OSBPL10: variants seen among roughly 807,000 people sequenced by gnomAD.
OSBPL10 encodes the protein oxysterol binding protein like 10, also known as oxysterol-binding protein-related protein 10.
In OSBPL10, 49 loss-of-function variants were observed where a neutral mutation model predicts 81.7. The ratio of observed to expected loss-of-function variants is 0.60; its 90% CI spans 0.48 to 0.76. The LOEUF (loss-of-function observed/expected upper bound fraction) is 0.76. OSBPL10 is among the 30% of genes least tolerant of loss of function. The pLI, the probability that OSBPL10 is intolerant of heterozygous loss-of-function variation, is 0.00. For missense variants in OSBPL10, 923 were observed against 987.8 expected (o/e 0.93, Z 0.88); for synonymous variants, 419 against 383.6 (o/e 1.09, Z -1.08).
chr3:31,912,112 T>A (rs903081642), intron 1 of OSBPL10, among the ~76,000 whole-genome samples: 9 of 150,706 alleles, frequency 6.0e-5, no homozygotes, highest in Admixed American at 3.3e-4. Flanking sequence ...AAAAAAAAAA[T>A]TGGCTGGGCG....
At chr3:31,797,846 A>G (rs1335810232) in intron 4 of OSBPL10, 1 of 454,746 alleles carries the variant, frequency 2.2e-6, no homozygotes, top group South Asian at 1.6e-5. Context: ...CTTCACCTAT[A>G]AAAATGGGGA....
chr3:31,992,047 G>A (rs140898605), intron 2 of OSBPL10, among the ~76,000 whole-genome samples: 1,930 of 151,698 alleles, frequency 0.013, 15 homozygotes, highest in Middle Eastern at 0.02. Context: ...TGGGGAGGCT[G>A]AGGCAGGAGA....
At chr3:31,731,909 G>C (rs908179868) in intron 6 of OSBPL10, among the ~76,000 whole-genome samples, 1 of 151,442 alleles carries the variant, frequency 6.6e-6, no homozygotes, top group Non-Finnish European at 1.5e-5. Context: ...CAAACCTTGG[G>C]GGTCAGAGGG....
chr3:31,732,265 T>G (rs891267213), intron 6 of OSBPL10, among the ~76,000 whole-genome samples: 3 of 152,060 alleles, frequency 2.0e-5, no homozygotes, highest in Non-Finnish European at 4.4e-5. Flanking sequence ...GATGAAATAT[T>G]TGTAGGCAGG....
chr3:31,844,110 A>G (rs951424857), intron 3 of OSBPL10, among the ~76,000 whole-genome samples: 14 of 152,362 alleles, frequency 9.2e-5, no homozygotes, highest in Middle Eastern at 3.4e-3. Context: ...ATGCTGAACT[A>G]GGATTCCTGT....
At chr3:31,981,385 G>A, upstream of OSBPL10, 2 of 861,764 alleles carry the variant, frequency 2.3e-6, no homozygotes, top group Non-Finnish European at 3.1e-6. The surrounding 1 kb of genome is among the most constrained non-coding windows in gnomAD (Gnocchi z 4.5). Context: ...AGCTGCGGCC[G>A]CCCCTCCTCC....
chr3:31,828,040 T>TAA (rs1700142362), intron 4 of OSBPL10, among the ~76,000 whole-genome samples: 1 of 152,168 alleles, frequency 6.6e-6, no homozygotes, highest in African/African-American at 2.4e-5. Context: ...CTATCATTTA[T>TAA]AACAGTAAGT....
intron 2 of OSBPL10, among the ~76,000 whole-genome samples, chr3:32,025,142 G>A (rs1171997790): frequency 6.6e-6 from 1 of 152,102 alleles, no homozygotes; most frequent in Non-Finnish European, 1.5e-5. Context: ...ATTTGTAGAT[G>A]CCTTTATCAG....
chr3:31,989,762 A>G, intron 2 of OSBPL10: 1 of 1,614,188 alleles, frequency 6.2e-7, no homozygotes, highest in African/African-American at 1.3e-5. Context: ...ATAAGAGAAA[A>G]ATCTTTCCAA....
At chr3:31,974,849 C>T (rs1306554720) in intron 1 of OSBPL10, among the ~76,000 whole-genome samples, 1 of 152,126 alleles carries the variant, frequency 6.6e-6, no homozygotes, top group East Asian at 1.9e-4. Flanking sequence ...GTGTACTTTT[C>T]TGAATGTAGA....
rs1426820187 is a variant in OSBPL10 at position 31,660,912 on chromosome 3, T to A, written c.*1160A>T. On this transcript the variant is annotated 3_prime_UTR_variant, in exon 12 of 12. Transcript: ENST00000396556. Reference sequence around the variant, plus strand: ...GCAGACAAAAGGCACAAAATTAGTATTACTACAGAGAAGCATTCATGCTAT... The same window carrying A: ...GCAGACAAAAGGCACAAAATTAGTAATACTACAGAGAAGCATTCATGCTAT... 6.6e-6 allele frequency: 1 copy of A among 152,646 alleles called. No homozygotes were observed. The highest frequency in any genetic ancestry group is 2.4e-5 in the African/African-American group (1 of 41,458). 9.5% of individuals were successfully genotyped at this position (152,646 alleles called of 1,614,324 possible). A position where few individuals can be genotyped will look rare whatever the true frequency, so the allele number is the denominator to read the frequency against.
chr3:31,844,038 T>C (rs1043363353), intron 3 of OSBPL10, among the ~76,000 whole-genome samples: 3 of 152,198 alleles, frequency 2.0e-5, no homozygotes, highest in Non-Finnish European at 2.9e-5. Flanking sequence ...AAGATTGTTT[T>C]TCCCCATGAG....
At chr3:31,866,732 C>T (rs1483126726) in intron 3 of OSBPL10, among the ~76,000 whole-genome samples, 3 of 152,164 alleles carry the variant, frequency 2.0e-5, no homozygotes, top group Non-Finnish European at 4.4e-5. Flanking sequence ...CTCACCTACT[C>T]TTGGGGCTGT....
At position 31,662,061 on chromosome 3, in the gene OSBPL10, C is replaced by T. The variant is rs1700083310; in HGVS notation, c.*11G>A. On this transcript the variant is annotated 3_prime_UTR_variant, in exon 12 of 12. Coordinates refer to ENST00000396556, the MANE Select transcript of OSBPL10 (RefSeq NM_017784.5). ...CAGGGCTATACTGGAAAGCTCTGCA[C>T]CTCCACCCCATCAGTGTGCTTTCCA... 6.2e-7 allele frequency: 1 copy of T among 1,613,592 alleles called. No homozygotes were observed. The highest frequency in any genetic ancestry group is 1.3e-5 in the African/African-American group (1 of 74,924).
rs771458446 is a variant in OSBPL10, at chr3:31,990,320, C to CA, written n.298+56170dup. The CA allele has an allele frequency of 3.1e-6, 5 of 1,613,976 alleles. No homozygotes were observed. In the Admixed American group the frequency reaches 8.3e-5, roughly 27 times the overall value. ...GTCTTCAGTAATGCTACAACCATTG[C>CA]AAATCATTGGAGAATCCATAATGAA... On this transcript the variant is annotated intron_variant and non_coding_transcript_variant, in intron 2 of 3. Coordinates refer to the OSBPL10 transcript ENST00000479173.
chr3:32,059,484 C>T (rs189252281), intron 1 of OSBPL10, among the ~76,000 whole-genome samples: 52 of 143,404 alleles, frequency 3.6e-4, no homozygotes, highest in Admixed American at 1.9e-3. Context: ...CCAGCTACTC[C>T]GGAGGCTGAG....
At chr3:31,795,686 G>A (rs146512937) in intron 4 of OSBPL10, 244 of 208,808 alleles carry the variant, frequency 1.2e-3, no homozygotes, top group Non-Finnish European at 2.0e-3. Context: ...CCTTATGAGC[G>A]CAGGAAATGA....
intron 4 of OSBPL10, among the ~76,000 whole-genome samples, chr3:31,761,191 C>T (rs1209023149): frequency 6.6e-6 from 1 of 152,062 alleles, no homozygotes; most frequent in Non-Finnish European, 1.5e-5. Flanking sequence ...TAAGAAGTTT[C>T]CGCCAGGCGC....
chr3:31,670,752 G>A (rs1289001345), intron 9 of OSBPL10, 45 bp downstream of exon 9: 8 of 1,539,176 alleles, frequency 5.2e-6, no homozygotes, highest in Non-Finnish European at 7.1e-6. Context: ...GAAACTCAGG[G>A]CATCTTGTTA....
Sources: allele counts gnomAD v4.1 joint callset (sites outside exome capture counted in the v4.1 genomes callset), GRCh38; gene constraint gnomAD v4.1.1; non-coding constraint Gnocchi (gnomAD v3.1); transcripts MANE v1.5; gene names NCBI Gene and HGNC (gene_info 2026-07-23, HGNC 2026-07-21).